The following DYNC2I1 variants were observed in gnomAD, a reference collection of about 807,000 sequenced individuals.
The protein encoded by DYNC2I1 is cytoplasmic dynein 2 intermediate chain 1.
Under a neutral mutation model 133.4 loss-of-function variants are expected in DYNC2I1, and 89 were observed. That is an observed-to-expected ratio of 0.67 (90% CI 0.56 to 0.80). The LOEUF (loss-of-function observed/expected upper bound fraction) is 0.80, where lower values mean the gene tolerates loss of function less well. Among genes scored for constraint, DYNC2I1 ranks in the 30% least tolerant of loss-of-function variants. The pLI is 0.00. For missense variants in DYNC2I1, 1,291 were observed against 1,314.5 expected (o/e 0.98, Z 0.28); for synonymous variants, 504 against 484.3 (o/e 1.04, Z -0.54).
intron 5 of DYNC2I1, among the ~76,000 whole-genome samples, chr7:158,881,443 T>C (rs184667469): frequency 6.6e-6 from 1 of 152,148 alleles, no homozygotes; most frequent in East Asian, 1.9e-4. Context: ...TTTTTTGTTT[T>C]TATTTATTTT....
At chr7:158,948,015 C>T (rs1340165536), downstream of DYNC2I1, among the ~76,000 whole-genome samples, 1 of 152,166 alleles carries the variant, frequency 6.6e-6, no homozygotes, top group African/African-American at 2.4e-5. Flanking sequence ...AACGATCTGC[C>T]CCTCAGCCTC....
chr7:158,914,634 A>C (rs557768156), intron 14 of DYNC2I1, among the ~76,000 whole-genome samples: 1 of 152,366 alleles, frequency 6.6e-6, no homozygotes, highest in Non-Finnish European at 1.5e-5. Context: ...CAAGGCAAGC[A>C]TAAATCTAGG....
chr7:158,944,209 C>T (rs1392283473), intron 24 of DYNC2I1, among the ~76,000 whole-genome samples: 1 of 152,102 alleles, frequency 6.6e-6, no homozygotes, highest in African/African-American at 2.4e-5. Context: ...TCAGGGCCAG[C>T]ACGGGAGGTG....
At chr7:158,924,862 C>G (rs1849461131) in intron 17 of DYNC2I1, among the ~76,000 whole-genome samples, 1 of 151,980 alleles carries the variant, frequency 6.6e-6, no homozygotes, top group Non-Finnish European at 1.5e-5. Context: ...TCAAGTGATT[C>G]TCCTGCTTCA....
intron 23 of DYNC2I1, among the ~76,000 whole-genome samples, chr7:158,940,886 G>A (rs1000334421): frequency 2.0e-5 from 3 of 152,084 alleles, no homozygotes; most frequent in African/African-American, 7.2e-5. Context: ...AAAGTAGAAA[G>A]ACTTCAAATA....
At chr7:158,931,228 T>C (rs1850183217) in intron 21 of DYNC2I1, among the ~76,000 whole-genome samples, 1 of 152,302 alleles carries the variant, frequency 6.6e-6, no homozygotes, top group African/African-American at 2.4e-5. Flanking sequence ...GTACAAATAT[T>C]ATTTGTGGTA....
At chr7:158,902,693 T>C in intron 10 of DYNC2I1, 98 bp downstream of exon 10, 2 of 1,118,192 alleles carry the variant, frequency 1.8e-6, no homozygotes. Context: ...TCTAATAAGG[T>C]GGGTGGAGCA....
At chr7:158,849,026 T>G in the DYNC2I1 span, among the ~76,000 whole-genome samples, 1 of 152,270 alleles carries the variant, frequency 6.6e-6, no homozygotes, top group East Asian at 1.9e-4. Flanking sequence ...GGAGAAATTT[T>G]AAGAGAAATC....
At chr7:158,881,598 C>T (rs1183197346) in intron 5 of DYNC2I1, among the ~76,000 whole-genome samples, 1 of 152,138 alleles carries the variant, frequency 6.6e-6, no homozygotes, top group African/African-American at 2.4e-5. Context: ...GGACTACAGG[C>T]ATGTGCCACC....
Position 158,871,490 on chromosome 7 carries a change from C to T in DYNC2I1, c.418C>T (p.His140Tyr), listed in dbSNP as rs1315103377. 6 of 1,547,934 alleles carry T rather than the reference C, an allele frequency of 3.9e-6. No individual in the cohort carries two copies. The highest frequency in any genetic ancestry group is 4.9e-5 in the East Asian group (2 of 40,926). The change falls in exon 3 of 25, where the codon CAC becomes TAC. Residue 140 changes from histidine (H) to tyrosine (Y), a missense_variant. His to Tyr is a moderately conservative substitution (Grantham distance 83). Coordinates refer to ENST00000407559, the MANE Select transcript of DYNC2I1 (RefSeq NM_018051.5). The stretch of plus-strand genomic sequence containing the variant: ...GGAAGAGCTCCGGCAGACCGTGGCC[C>T]ACCACAACCTGCTGGGCCAGGAGAC... Reference protein sequence around the residue: ...RKEELRQTVAHHNLLGQETRD... With the variant: ...RKEELRQTVAYHNLLGQETRD...
chr7:158,923,820 T>C, intron 17 of DYNC2I1, 87 bp downstream of exon 17: 4 of 1,511,124 alleles, frequency 2.6e-6, no homozygotes, highest in Non-Finnish European at 3.6e-6. Flanking sequence ...TTTGCATTTA[T>C]TTATTCACAT....
intron 17 of DYNC2I1, 81 bp downstream of exon 17, chr7:158,923,814 CATTT>C (rs1849343439): frequency 6.6e-7 from 1 of 1,525,994 alleles, no homozygotes; most frequent in Non-Finnish European, 8.8e-7. Context: ...CATGGATTTG[CATTT>C]ATTTATTCAC....
the DYNC2I1 span, among the ~76,000 whole-genome samples, chr7:158,846,760 T>G: frequency 6.6e-6 from 1 of 152,240 alleles, no homozygotes; most frequent in African/African-American, 2.4e-5. Flanking sequence ...TGTACCCTGC[T>G]GCTTCAGCTC....
intron 17 of DYNC2I1, among the ~76,000 whole-genome samples, chr7:158,924,238 C>A (rs1849388664): frequency 6.6e-6 from 1 of 152,238 alleles, no homozygotes; most frequent in Admixed American, 6.5e-5. Context: ...TACATTGTCT[C>A]ATTTAATTCC....
At chr7:158,855,056 A>C (rs952429173), upstream of DYNC2I1, among the ~76,000 whole-genome samples, 2 of 152,250 alleles carry the variant, frequency 1.3e-5, no homozygotes, top group Admixed American at 6.5e-5. Flanking sequence ...CAACCACCCA[A>C]GGGGTTCACC....
At chr7:158,904,846 C>A in intron 10 of DYNC2I1, 1 of 229,756 alleles carries the variant, frequency 4.4e-6, no homozygotes, top group South Asian at 5.5e-5. Context: ...CAGAGCCACA[C>A]CCTCTGCATT....
At chr7:158,902,746 A>G (rs1430245650) in intron 10 of DYNC2I1, 151 bp downstream of exon 10, 2 of 683,012 alleles carry the variant, frequency 2.9e-6, no homozygotes, top group Admixed American at 3.0e-5. Context: ...CCTTGCAGCT[A>G]CCACATAGGA....
chr7:158,905,707 G>A (rs1205393929), intron 10 of DYNC2I1, among the ~76,000 whole-genome samples: 1 of 152,204 alleles, frequency 6.6e-6, no homozygotes, highest in Admixed American at 6.5e-5. Context: ...TGGGGGCTTA[G>A]AACTGCATCT....
At position 158,902,839 on chromosome 7, in the gene DYNC2I1, G is replaced by T. The variant is rs150711217; in HGVS notation, c.1357+244G>T. 574 of 484,326 alleles carry T rather than the reference G, an allele frequency of 1.2e-3. 4 individuals carry two copies. Among genetic ancestry groups the T allele is most frequent in the Non-Finnish European group, 7.3e-4 (200 of 274,502 alleles). The allele number at this position is 484,326 out of a possible 1,614,324, so 30.0% of individuals were successfully genotyped here. A position where few individuals can be genotyped will look rare whatever the true frequency, so the allele number is the denominator to read the frequency against. Reference sequence around the variant, plus strand: ...ACGTCACTTTCTGCTCAGCACCCAGGCCTTAGGTTAGCTGAGGGTGCCGTG... The same window carrying T: ...ACGTCACTTTCTGCTCAGCACCCAGTCCTTAGGTTAGCTGAGGGTGCCGTG... On this transcript the variant is annotated intron_variant, in intron 10 of 24. Transcript: ENST00000407559.
Sources: gnomAD v4.1 joint callset for allele counts (sites outside exome capture counted in the v4.1 genomes callset) on GRCh38, gnomAD v4.1.1 for gene constraint, MANE v1.5 for transcripts, NCBI Gene and HGNC (gene_info 2026-07-23, HGNC 2026-07-21) for gene names.